Variants in PLCB4 observed in about 807,000 individuals in gnomAD.
PLCB4 encodes 1-phosphatidylinositol 4,5-bisphosphate phosphodiesterase beta-4.
A neutral mutation model predicts 178.8 loss-of-function variants in PLCB4; 77 were observed. The ratio of observed to expected loss-of-function variants is 0.43; its 90% confidence interval spans 0.36 to 0.52. The LOEUF (loss-of-function observed/expected upper bound fraction) is 0.52. Ranked by LOEUF, PLCB4 falls within the 20% of genes least tolerant of loss-of-function variation. The pLI is 0.00. For synonymous variants in PLCB4, 496 were observed against 490.8 expected (o/e 1.01, Z -0.14); for missense variants, 1,024 against 1,453.4 (o/e 0.70, Z 4.80).
Position 9,401,583 on chromosome 20 carries a change from T to TTG in PLCB4, c.1604_1605insTG (p.Lys536AlafsTer20), listed in dbSNP as rs768273671. ...CACAAGGAAGCTGTTGCAAATAGCG[T>TTG]CAAGAAGGTCAGAGTCCCCTTTCTT... On this transcript the variant is annotated frameshift_variant, in exon 20 of 40. Transcript: ENST00000378473. LOFTEE classifies it high-confidence loss of function. 1 of 1,606,630 alleles carries TTG rather than the reference T, an allele frequency of 6.2e-7. No individual in the cohort carries two copies. The highest frequency in any genetic ancestry group is 2.2e-5 in the East Asian group (1 of 44,830).
At chr20:9,170,492 G>C (rs1251213129) in intron 2 of PLCB4, among the ~76,000 whole-genome samples, 1 of 152,050 alleles carries the variant, frequency 6.6e-6, no homozygotes, top group Non-Finnish European at 1.5e-5. Context: ...GTTCTGAGAG[G>C]TTCTTTGGGC....
At chr20:9,227,511 A>AG (rs1318139907) in intron 3 of PLCB4, among the ~76,000 whole-genome samples, 1 of 152,142 alleles carries the variant, frequency 6.6e-6, no homozygotes, top group East Asian at 1.9e-4. Flanking sequence ...GATGTGAGGT[A>AG]GGGGTCTAAT....
At chr20:9,405,704 A>AT (rs1487926018) in intron 21 of PLCB4, among the ~76,000 whole-genome samples, 1 of 152,246 alleles carries the variant, frequency 6.6e-6, no homozygotes, top group African/African-American at 2.4e-5. Context: ...TTTACACTGC[A>AT]TAACTTCTAA....
chr20:9,301,038 T>C (rs1444209243), intron 3 of PLCB4, among the ~76,000 whole-genome samples: 1 of 151,712 alleles, frequency 6.6e-6, no homozygotes, highest in Non-Finnish European at 1.5e-5. Context: ...CTTCTTGAAC[T>C]GTGGCTACAT....
chr20:9,464,247 A>G (rs1305769914), intron 35 of PLCB4, among the ~76,000 whole-genome samples: 2 of 152,240 alleles, frequency 1.3e-5, no homozygotes, highest in Non-Finnish European at 2.9e-5. Context: ...CAAAGACACA[A>G]CATACCAGAA....
intron 1 of PLCB4, among the ~76,000 whole-genome samples, chr20:9,085,791 G>A (rs1414186655): frequency 2.0e-5 from 3 of 152,210 alleles, no homozygotes; most frequent in East Asian, 3.9e-4. Context: ...CCTCAATTAC[G>A]TAATAAAAAT....
At position 9,387,608 on chromosome 20, in the gene PLCB4, G is replaced by A. The variant is rs187723184; in HGVS notation, c.1158+52G>A. ...TTTTCCAAACTCTGTGAAAATGCAG[G>A]AAATAGGGAGATGGAGAAGAGAAAA... On this transcript the variant is annotated intron_variant, in intron 15 of 39. Transcript: ENST00000378473. The A allele has an allele frequency of 6.1e-5, 48 of 787,152 alleles. No homozygotes were observed. In the Admixed American group the frequency reaches 8.6e-4, roughly 14 times the overall value. The allele number at this position is 787,152 out of a possible 1,614,324, so 48.8% of individuals were successfully genotyped here.
At chr20:9,249,869 C>A (rs567640090) in intron 3 of PLCB4, among the ~76,000 whole-genome samples, 2 of 152,070 alleles carry the variant, frequency 1.3e-5, no homozygotes, top group Non-Finnish European at 2.9e-5. Flanking sequence ...TTTATGTTCT[C>A]CTCAGTATAT....
intron 2 of PLCB4, among the ~76,000 whole-genome samples, chr20:9,215,912 AAATT>A (rs1292576452): frequency 6.6e-6 from 1 of 152,172 alleles, no homozygotes; most frequent in Non-Finnish European, 1.5e-5. Context: ...CAGACTTTTT[AAATT>A]AATAAAATGA....
chr20:9,366,779 A>G (rs2148265479), intron 9 of PLCB4, among the ~76,000 whole-genome samples: 1 of 152,362 alleles, frequency 6.6e-6, no homozygotes, highest in East Asian at 1.9e-4. Context: ...AGAATCAAAC[A>G]TGGGTTCCCC....
intron 3 of PLCB4, among the ~76,000 whole-genome samples, chr20:9,241,389 T>TACACAC (rs11470548): frequency 8.8e-5 from 13 of 148,252 alleles, no homozygotes; most frequent in African/African-American, 1.7e-4. Flanking sequence ...CATGCATGCA[T>TACACAC]ACACACACAC....
In PLCB4 at chr20:9,244,910, G is replaced by A. The variant is rs116595360; in HGVS notation, c.-16+27458G>A. Among the ~76,000 whole-genome samples, 319 of 152,170 alleles carry A rather than the reference G, an allele frequency of 2.1e-3. 3 individuals carry two copies. The highest frequency in any genetic ancestry group is 7.0e-3 in the African/African-American group (290 of 41,520). On this transcript the variant is annotated intron_variant, in intron 3 of 39. Coordinates refer to ENST00000378473, the MANE Select transcript of PLCB4 (RefSeq NM_001377142.1). ...TTCTTCTTGAGTCTGTGAACGCTGG[G>A]CAGTTCTGAGCAAGTGGACCAGGCT...
chr20:9,424,904 C>G (rs2040890171), intron 28 of PLCB4, among the ~76,000 whole-genome samples: 1 of 152,118 alleles, frequency 6.6e-6, no homozygotes, highest in Non-Finnish European at 1.5e-5. Flanking sequence ...TTTAGTAGTG[C>G]ATGCTTCTGT....
chr20:9,068,818 G>T (rs1180132517), upstream of PLCB4: 5 of 151,290 alleles, frequency 3.3e-5, no homozygotes, highest in Admixed American at 6.6e-5. Context: ...CGGGGGACGC[G>T]CAGGGCCCGG....
chr20:9,201,865 A>G (rs1421012238), intron 2 of PLCB4, among the ~76,000 whole-genome samples: 2 of 152,230 alleles, frequency 1.3e-5, no homozygotes, highest in African/African-American at 4.8e-5. Context: ...CATATAACCC[A>G]GCCATGCCAC....
At position 9,405,315 on chromosome 20, in the gene PLCB4, T is replaced by C; in HGVS notation, c.1614T>C (p.Ala538=). ...AATTATTTCCTTTCTCTAATTAGGC[T>C]TCAGATGACCTTGAACATGAAAACA... ...KEAVANSVKK[A]SDDLEHENNK... Residue 538 remains alanine (A), a splice_region_variant and synonymous_variant, in exon 21 of 40, where the codon GCT becomes GCC. Coordinates refer to ENST00000378473, the MANE Select transcript of PLCB4 (RefSeq NM_001377142.1). 1 of 1,544,354 alleles carries C rather than the reference T, an allele frequency of 6.5e-7. No individual in the cohort carries two copies. The highest frequency in any genetic ancestry group is 8.8e-7 in the Non-Finnish European group (1 of 1,136,662).
chr20:9,289,741 T>A lies in PLCB4; in HGVS notation c.-15-18059T>A, dbSNP rs202025736. Among the ~76,000 whole-genome samples the A allele has an allele frequency of 2.0e-5, 3 of 152,122 alleles. No homozygotes were observed. In the East Asian group the frequency reaches 5.8e-4, roughly 29 times the overall value. ...GAACCAAGGTCAGACAATGAGGGTGTTCGGTCAAAAGGTTTGTTAAGTTCT... is the reference window on the plus strand; with the variant it reads ...GAACCAAGGTCAGACAATGAGGGTGATCGGTCAAAAGGTTTGTTAAGTTCT... On this transcript the variant is annotated intron_variant, in intron 3 of 39. Transcript: ENST00000378473.
chr20:9,469,542 G>A (rs1018462824), intron 36 of PLCB4, among the ~76,000 whole-genome samples: 3 of 152,208 alleles, frequency 2.0e-5, no homozygotes, highest in African/African-American at 7.2e-5. Flanking sequence ...ATTCACTGAG[G>A]AAGGGACCTT....
At chr20:9,090,263 G>T in intron 1 of PLCB4, among the ~76,000 whole-genome samples, 2 of 150,012 alleles carry the variant, frequency 1.3e-5, no homozygotes, top group Non-Finnish European at 3.0e-5. Context: ...GTCTGTCATG[G>T]GAAAGTATTG....
Sources: gnomAD v4.1 joint callset for allele counts (sites outside exome capture counted in the v4.1 genomes callset) on GRCh38, gnomAD v4.1.1 for gene constraint, MANE v1.5 for transcripts, NCBI Gene and HGNC (gene_info 2026-07-23, HGNC 2026-07-21) for gene names.